Variants in DPP10 observed in about 807,000 individuals in gnomAD.
DPP10 encodes dipeptidyl peptidase like 10.
Under a neutral mutation model 120.9 loss-of-function variants are expected in DPP10, and 33 were observed. The ratio of observed to expected loss-of-function variants is 0.27; its 90% CI spans 0.21 to 0.37. DPP10 has a LOEUF of 0.37. Among genes scored for constraint, DPP10 ranks in the 10% least tolerant of loss-of-function variants. DPP10 has a pLI of 1.00. For synonymous variants in DPP10, 337 were observed against 326.1 expected (o/e 1.03, Z -0.36); for missense variants, 816 against 942.8 (o/e 0.87, Z 1.76).
intron 1 of DPP10, among the ~76,000 whole-genome samples, chr2:114,992,181 T>C (rs1700788242): frequency 6.6e-6 from 1 of 152,206 alleles, no homozygotes; most frequent in Admixed American, 6.5e-5. Context: ...AGTAAAGAAG[T>C]GTCACAAAGG....
chr2:114,823,364 C>A (rs1230090916), intron 1 of DPP10, among the ~76,000 whole-genome samples: 1 of 152,056 alleles, frequency 6.6e-6, no homozygotes, highest in African/African-American at 2.4e-5. Context: ...TCACCCCCCA[C>A]GAAGTCCCTC....
chr2:115,231,617 A>T (rs1344402535), intron 1 of DPP10, among the ~76,000 whole-genome samples: 2 of 152,202 alleles, frequency 1.3e-5, no homozygotes, highest in Non-Finnish European at 2.9e-5. Context: ...TCAATACAAA[A>T]TAATTTCGCC....
chr2:115,357,897 C>T (rs182685814), intron 3 of DPP10, among the ~76,000 whole-genome samples: 1 of 152,256 alleles, frequency 6.6e-6, no homozygotes, highest in East Asian at 1.9e-4. Context: ...TCTGAAGCAA[C>T]ATCTTGAGCT....
chr2:115,510,552 A>T (rs1051296165), intron 4 of DPP10, among the ~76,000 whole-genome samples: 8 of 152,070 alleles, frequency 5.3e-5, no homozygotes, highest in African/African-American at 1.7e-4. Context: ...TGTTGTAGCT[A>T]TGTGGTGAGA....
chr2:114,848,307 T>A (rs545964598), intron 1 of DPP10, among the ~76,000 whole-genome samples: 3 of 152,272 alleles, frequency 2.0e-5, no homozygotes, highest in African/African-American at 7.2e-5. Flanking sequence ...AAGCTAAGAA[T>A]ATAATATAGA....
intron 17 of DPP10, among the ~76,000 whole-genome samples, chr2:115,787,147 C>A (rs906264237): frequency 1.4e-4 from 22 of 152,210 alleles, no homozygotes; most frequent in African/African-American, 5.3e-4. Context: ...AGAACAAAGT[C>A]CAACAATTGT....
chr2:114,663,292 A>C (rs1697589066), intron 1 of DPP10, among the ~76,000 whole-genome samples: 1 of 149,930 alleles, frequency 6.7e-6, no homozygotes, highest in Non-Finnish European at 1.5e-5. Context: ...ATATGTATAC[A>C]TATACATATA....
At chr2:114,497,523 GAAA>G (rs1221980453) in intron 1 of DPP10, among the ~76,000 whole-genome samples, 1 of 149,820 alleles carries the variant, frequency 6.7e-6, no homozygotes, top group African/African-American at 2.5e-5. Context: ...TATGATTCAG[GAAA>G]AAAAACCAAA....
At chr2:114,691,344 T>C (rs1699734352) in intron 1 of DPP10, among the ~76,000 whole-genome samples, 1 of 152,148 alleles carries the variant, frequency 6.6e-6, no homozygotes, top group Admixed American at 6.5e-5. Context: ...TGTCTATAGT[T>C]CTGTTGATGT....
rs2081716233 is a variant in DPP10 at position 115,577,068 on chromosome 2, TG to T, written c.441+51097del. Among the ~76,000 whole-genome samples, 3 of 152,186 alleles carry T rather than the reference TG, an allele frequency of 2.0e-5. No homozygotes were observed. In the South Asian group the frequency reaches 6.2e-4, roughly 32 times the overall value. On this transcript the variant is annotated intron_variant, in intron 5 of 25. Coordinates refer to ENST00000410059, the MANE Select transcript of DPP10 (RefSeq NM_020868.6). ...GGAACAAGGAGATGACAGATAAAGA[TG>T]CTTTTAGAGCAGCTCCTAATGCTCT...
At chr2:115,687,485 G>GATAGATAGATA (rs1553480028) in intron 5 of DPP10, among the ~76,000 whole-genome samples, 2 of 146,900 alleles carry the variant, frequency 1.4e-5, no homozygotes, top group African/African-American at 5.0e-5. Context: ...ATGGATGGAT[G>GATAGATAGATA]GATAGATAGA....
intron 1 of DPP10, among the ~76,000 whole-genome samples, chr2:114,995,487 C>G (rs1159666951): frequency 6.6e-6 from 1 of 152,088 alleles, no homozygotes; most frequent in African/African-American, 2.4e-5. Flanking sequence ...AGAACCCCTG[C>G]TTAAAGGAAT....
intron 1 of DPP10, among the ~76,000 whole-genome samples, chr2:114,805,756 G>T (rs1010909595): frequency 2.6e-5 from 4 of 152,170 alleles, no homozygotes; most frequent in Non-Finnish European, 5.9e-5. Flanking sequence ...AAATTCTGCT[G>T]CTTCCTATGC....
chr2:114,694,123 A>G (rs1192638842), intron 1 of DPP10, among the ~76,000 whole-genome samples: 2 of 151,966 alleles, frequency 1.3e-5, no homozygotes. Flanking sequence ...TAATCTGGGT[A>G]ACTTTGGGAA....
At chr2:115,492,588 A>G (rs985984483) in intron 3 of DPP10, among the ~76,000 whole-genome samples, 16 of 151,900 alleles carry the variant, frequency 1.1e-4, no homozygotes, top group Non-Finnish European at 1.6e-4. Flanking sequence ...AAAGTTCTTG[A>G]AAAAAAAGAA....
intron 1 of DPP10, among the ~76,000 whole-genome samples, chr2:114,536,606 C>T (rs186239245): frequency 3.9e-4 from 60 of 151,944 alleles, no homozygotes; most frequent in Non-Finnish European, 6.3e-4. Flanking sequence ...AGGTTTTCAC[C>T]GTGTTAGCCA....
intron 1 of DPP10, among the ~76,000 whole-genome samples, chr2:115,041,117 C>CAAAAAAAAAAAA (rs10577275): frequency 7.8e-6 from 1 of 127,936 alleles, no homozygotes; most frequent in African/African-American, 2.9e-5. Context: ...TAGCTCAAAA[C>CAAAAAAAAAAAA]AAAAAAAAAA....
intron 1 of DPP10, among the ~76,000 whole-genome samples, chr2:114,560,152 A>T (rs1450342354): frequency 6.6e-6 from 1 of 152,234 alleles, no homozygotes; most frequent in Non-Finnish European, 1.5e-5. Context: ...GAAATTGTCT[A>T]ATCCATATTG....
intron 3 of DPP10, among the ~76,000 whole-genome samples, chr2:115,441,668 T>G (rs1330119840): frequency 6.6e-6 from 1 of 152,124 alleles, no homozygotes; most frequent in African/African-American, 2.4e-5. Context: ...GGCTCTGAGT[T>G]TCTCAAATCA....
Sources: gnomAD v4.1 joint callset for allele counts (sites outside exome capture counted in the v4.1 genomes callset) on GRCh38, gnomAD v4.1.1 for gene constraint, MANE v1.5 for transcripts, NCBI Gene and HGNC (gene_info 2026-07-23, HGNC 2026-07-21) for gene names.